Variants in ROR1 observed in about 807,000 individuals in gnomAD.
The protein encoded by ROR1 is ROR family WNT receptor 1.
In ROR1, 19 loss-of-function variants were observed where a neutral mutation model predicts 78.8. The observed-to-expected ratio is 0.24, with a 90% CI of 0.17 to 0.35. ROR1 has a LOEUF of 0.35. Ranked by LOEUF, ROR1 falls within the 10% of genes least tolerant of loss-of-function variation. The probability of loss-of-function intolerance (pLI) is 1.00; values close to 1 mark genes in which losing one functional copy is unlikely to be tolerated. For synonymous variants in ROR1, 386 were observed against 433.6 expected, an observed-to-expected ratio of 0.89 and a Z score of 1.36; for missense variants, 917 against 1,177.8, an observed-to-expected ratio of 0.78 and a Z score of 3.24.
At chr1:64,030,781 G>C (rs17125990) in intron 2 of ROR1, among the ~76,000 whole-genome samples, 2,783 of 152,218 alleles carry the variant, frequency 0.018, 39 homozygotes, top group Non-Finnish European at 0.027. Flanking sequence ...CCCTTTGTGG[G>C]TAATATATAT....
At chr1:63,801,229 T>G (rs1644795402) in intron 1 of ROR1, among the ~76,000 whole-genome samples, 1 of 152,200 alleles carries the variant, frequency 6.6e-6, no homozygotes, top group Non-Finnish European at 1.5e-5. Flanking sequence ...CCTCTTGTTT[T>G]AACCTGTTTT....
intron 1 of ROR1, among the ~76,000 whole-genome samples, chr1:63,853,482 A>AT (rs1489716159): frequency 6.6e-6 from 1 of 152,184 alleles, no homozygotes; most frequent in Non-Finnish European, 1.5e-5. Context: ...CAGATTTTGG[A>AT]TTTTTGGATT....
At chr1:63,910,818 C>T (rs1645564270) in intron 1 of ROR1, among the ~76,000 whole-genome samples, 2 of 152,192 alleles carry the variant, frequency 1.3e-5, no homozygotes, top group Non-Finnish European at 2.9e-5. Context: ...CCCAAAGGTT[C>T]AGAACAACAA....
intron 5 of ROR1, 88 bp from the exon 6 acceptor site, chr1:64,140,021 G>C: frequency 1.6e-6 from 2 of 1,212,514 alleles, no homozygotes; most frequent in Non-Finnish European, 1.2e-6. Context: ...TCCTTGCAAT[G>C]TGTGTTTATA....
chr1:64,148,961 C>T (rs966284883), intron 7 of ROR1, among the ~76,000 whole-genome samples: 10 of 152,098 alleles, frequency 6.6e-5, no homozygotes, highest in African/African-American at 2.4e-4. Flanking sequence ...TGTGAACAAG[C>T]TAAATCAGAC....
chr1:63,966,675 T>G (rs1394001622), intron 1 of ROR1, among the ~76,000 whole-genome samples: 2 of 152,186 alleles, frequency 1.3e-5, no homozygotes, highest in Admixed American at 1.3e-4. Flanking sequence ...GAGCTTCCTG[T>G]TTCTTTGTTT....
rs78691371 is a variant in ROR1, at chr1:63,915,244, T to C, written c.92-94061T>C. The stretch of plus-strand genomic sequence containing the variant: ...CCATGTCACCATTTTTCTGGGCCTG[T>C]GGGCAATGCAGACGTGAGGGAGACC... On this transcript the variant is annotated intron_variant, in intron 1 of 8. Coordinates refer to ENST00000371079, the MANE Select transcript of ROR1 (RefSeq NM_005012.4). Among the ~76,000 whole-genome samples the C allele has an allele frequency of 5.2e-3, 799 of 152,316 alleles. 8 individuals carry two copies. Among genetic ancestry groups the C allele is most frequent in the African/African-American group, 0.018 (751 of 41,566 alleles).
Position 64,100,921 on chromosome 1 carries a change from G to A in ROR1, c.483-36448G>A, listed in dbSNP as rs533140911. 9.9e-5 allele frequency among the ~76,000 whole-genome samples: 15 copies of A among 152,258 alleles called. No individual in the cohort carries two copies. In the East Asian group the frequency reaches 2.9e-3, roughly 29 times the overall value. ...ATAAGATTGCTGCATCTCAGGAGAC[G>A]GGTCTTTTCAGGAGCACTGGATGAT... On this transcript the variant is annotated intron_variant, in intron 4 of 8. Transcript: ENST00000371079.
At chr1:64,108,447 T>C (rs1435701722) in intron 4 of ROR1, 1 of 146,366 alleles carries the variant, frequency 6.8e-6, no homozygotes, top group Non-Finnish European at 1.5e-5. Flanking sequence ...CTGTTTAGCT[T>C]TAAGTGCTAG....
chr1:63,942,263 A>G (rs889621374), intron 1 of ROR1, among the ~76,000 whole-genome samples: 5 of 152,154 alleles, frequency 3.3e-5, no homozygotes, highest in African/African-American at 9.7e-5. Flanking sequence ...CATGTTTGAT[A>G]AAAACAATCC....
intron 4 of ROR1, among the ~76,000 whole-genome samples, chr1:64,116,426 A>G (rs1158820411): frequency 1.3e-5 from 2 of 152,200 alleles, no homozygotes; most frequent in East Asian, 1.9e-4. Context: ...GCCAGGCTGC[A>G]TTCTTGGGAA....
intron 1 of ROR1, among the ~76,000 whole-genome samples, chr1:63,923,717 A>G (rs573166975): frequency 6.6e-6 from 1 of 151,736 alleles, no homozygotes; most frequent in Admixed American, 6.6e-5. Context: ...AAACCAGATC[A>G]TTCATTCGCT....
intron 1 of ROR1, among the ~76,000 whole-genome samples, chr1:63,856,892 T>C (rs1173483110): frequency 6.6e-6 from 1 of 152,216 alleles, no homozygotes; most frequent in African/African-American, 2.4e-5. Context: ...GAGCCCTTTC[T>C]CTGGTCTCTC....
intron 1 of ROR1, among the ~76,000 whole-genome samples, chr1:63,818,048 A>T (rs1462991420): frequency 6.6e-6 from 1 of 152,184 alleles, no homozygotes; most frequent in Non-Finnish European, 1.5e-5. Context: ...TAACCCTGTG[A>T]GATACGTATT....
chr1:63,996,938 G>A (rs1030379949), intron 1 of ROR1, among the ~76,000 whole-genome samples: 1 of 152,046 alleles, frequency 6.6e-6, no homozygotes, highest in East Asian at 1.9e-4. Flanking sequence ...GTCCAACCAG[G>A]GTATGATTAT....
At chr1:63,906,379 G>T (rs1645529108) in intron 1 of ROR1, among the ~76,000 whole-genome samples, 1 of 152,178 alleles carries the variant, frequency 6.6e-6, no homozygotes, top group South Asian at 2.1e-4. Flanking sequence ...ATCAAGATTT[G>T]TGTGTATGTG....
chr1:63,792,728 C>G (rs191297588), intron 1 of ROR1, among the ~76,000 whole-genome samples: 1 of 152,324 alleles, frequency 6.6e-6, no homozygotes, highest in East Asian at 1.9e-4. Context: ...AATTCTCATT[C>G]CTTGCCTCTT....
At chr1:64,104,726 C>G (rs1346851384) in intron 4 of ROR1, among the ~76,000 whole-genome samples, 1 of 152,036 alleles carries the variant, frequency 6.6e-6, no homozygotes, top group African/African-American at 2.4e-5. Context: ...GTTTTCTGTT[C>G]TTGTGATAGT....
chr1:64,060,227 T>G (rs1163157979), intron 4 of ROR1, among the ~76,000 whole-genome samples: 1 of 152,234 alleles, frequency 6.6e-6, no homozygotes, highest in African/African-American at 2.4e-5. Flanking sequence ...AATAAGATGA[T>G]GCATATATAG....
Sources: gnomAD v4.1 joint callset for allele counts (sites outside exome capture counted in the v4.1 genomes callset) on GRCh38, gnomAD v4.1.1 for gene constraint, MANE v1.5 for transcripts, NCBI Gene and HGNC (gene_info 2026-07-23, HGNC 2026-07-21) for gene names.